MAP3K2: variants seen among roughly 807,000 people sequenced by gnomAD.
The protein encoded by MAP3K2 is MAP/ERK kinase kinase 2.
MAP3K2 carries 24 observed loss-of-function variants against 80.3 expected under a neutral mutation model. The observed-to-expected ratio is 0.30, with a 90% CI of 0.22 to 0.42. The LOEUF (loss-of-function observed/expected upper bound fraction) is 0.42, where lower values mean the gene tolerates loss of function less well. Among genes scored for constraint, MAP3K2 ranks in the 10% least tolerant of loss-of-function variants. The pLI, the probability that MAP3K2 is intolerant of heterozygous loss-of-function variation, is 1.00. For synonymous variants in MAP3K2, 244 were observed against 253.7 expected (o/e 0.96, Z 0.36); for missense variants, 608 against 750.1 (o/e 0.81, Z 2.21).
rs1379376943 is a variant in MAP3K2, at chr2:127,301,248, T to G, written c.*6331A>C. On this transcript the variant is annotated 3_prime_UTR_variant, in exon 17 of 17. Transcript: ENST00000682094. ...GCCCCTCAAGTCAAACATAAGTTCA[T>G]AAATGTTAAGACACTAGGAAGAAAG... is the stretch of plus-strand genomic sequence containing the variant. 6.6e-6 allele frequency: 1 copy of G among 152,232 alleles called. No individual in the cohort carries two copies. Among genetic ancestry groups the G allele is most frequent in the Non-Finnish European group, 1.5e-5 (1 of 68,050 alleles). 9.4% of individuals were successfully genotyped at this position (152,232 alleles called of 1,614,324 possible). A position where few individuals can be genotyped will look rare whatever the true frequency, so the allele number is the denominator to read the frequency against.
In MAP3K2 at chr2:127,387,900, A is replaced by T. The variant is rs1488560338; in HGVS notation, c.-514T>A. The T allele has an allele frequency of 1.0e-6, 1 of 981,572 alleles. No homozygotes were observed. The highest frequency in any genetic ancestry group is 1.8e-5 in the African/African-American group (1 of 56,938). The allele number at this position is 981,572 out of a possible 1,614,324, so 60.8% of individuals were successfully genotyped here. Reference sequence around the variant, plus strand: ...CGTGCAACCCCCGAACGCTGCGCCCAGCGGCCGCGGCACCCTCGTCAGGCG... The same window carrying T: ...CGTGCAACCCCCGAACGCTGCGCCCTGCGGCCGCGGCACCCTCGTCAGGCG... On this transcript the variant is annotated 5_prime_UTR_variant, in exon 1 of 17. Transcript: ENST00000682094.
Position 127,387,646 on chromosome 2 carries a change from A to G in MAP3K2, c.-260T>C. The G allele has an allele frequency of 1.0e-6, 1 of 984,864 alleles. No homozygotes were observed. The highest frequency in any genetic ancestry group is 5.2e-4 in the Middle Eastern group (1 of 1,912). The allele number at this position is 984,864 out of a possible 1,614,324, so 61.0% of individuals were successfully genotyped here. On this transcript the variant is annotated 5_prime_UTR_variant, in exon 1 of 17. Coordinates refer to ENST00000682094, the MANE Select transcript of MAP3K2 (RefSeq NM_001371910.2). ...CCAGGCCCGTCCCTCTTTCACATGA[A>G]GCCCGGGCCGGGCGGGGTGGCGGGC...
At chr2:127,368,880 G>A (rs928325618) in intron 1 of MAP3K2, among the ~76,000 whole-genome samples, 2 of 151,934 alleles carry the variant, frequency 1.3e-5, no homozygotes, top group Admixed American at 6.6e-5. Flanking sequence ...AAAGTAGCTG[G>A]CACTACAGGC....
intron 7 of MAP3K2, among the ~76,000 whole-genome samples, chr2:127,329,036 T>C (rs1453110164): frequency 6.6e-6 from 1 of 152,154 alleles, no homozygotes. Flanking sequence ...TTTATACAAA[T>C]TGAAGAACAG....
intron 7 of MAP3K2, among the ~76,000 whole-genome samples, chr2:127,329,443 G>A (rs2896979): frequency 0.24 from 36,410 of 149,692 alleles, 4,611 homozygotes; most frequent in Middle Eastern, 0.3. Flanking sequence ...TGCAACCTCC[G>A]CCTCCCGGGT....
chr2:127,378,633 T>C (rs1687189993), intron 1 of MAP3K2, among the ~76,000 whole-genome samples: 1 of 152,216 alleles, frequency 6.6e-6, no homozygotes, highest in African/African-American at 2.4e-5. Flanking sequence ...ACTCAACAGC[T>C]AGTCACAAAA....
chr2:127,316,437 A>C (rs749109566), intron 14 of MAP3K2, among the ~76,000 whole-genome samples: 1 of 152,128 alleles, frequency 6.6e-6, no homozygotes, highest in Non-Finnish European at 1.5e-5. Flanking sequence ...ATTAATCACC[A>C]CCTTGAAAAT....
rs767735803 is a variant in MAP3K2, at chr2:127,300,059, G to C, written c.*7520C>G. 1 of 151,788 alleles carries C rather than the reference G, an allele frequency of 6.6e-6. No homozygotes were observed. Among genetic ancestry groups the C allele is most frequent in the Non-Finnish European group, 1.5e-5 (1 of 67,958 alleles). The allele number at this position is 151,788 out of a possible 1,614,324, so 9.4% of individuals were successfully genotyped here. A position where few individuals can be genotyped will look rare whatever the true frequency, so the allele number is the denominator to read the frequency against. On this transcript the variant is annotated 3_prime_UTR_variant, in exon 17 of 17. Transcript: ENST00000682094. Reference sequence around the variant, plus strand: ...AAATTTTCTAATTTCTATTAATGTCGAACTCCTGAGTTCTTCAACAAAGAA... The same window carrying C: ...AAATTTTCTAATTTCTATTAATGTCCAACTCCTGAGTTCTTCAACAAAGAA...
At position 127,302,506 on chromosome 2, in the gene MAP3K2, A is replaced by T. The variant is rs1274500003; in HGVS notation, c.*5073T>A. 1 of 151,942 alleles carries T rather than the reference A, an allele frequency of 6.6e-6. No individual in the cohort carries two copies. Among genetic ancestry groups the T allele is most frequent in the Admixed American group, 6.6e-5 (1 of 15,222 alleles). 9.4% of individuals were successfully genotyped at this position (151,942 alleles called of 1,614,324 possible). A position where few individuals can be genotyped will look rare whatever the true frequency, so the allele number is the denominator to read the frequency against. ...ATACATGCACACATGCACACACTTC[A>T]CAGAAAAGTAACTTTTCTGTGAGTA... On this transcript the variant is annotated 3_prime_UTR_variant, in exon 17 of 17. Coordinates refer to ENST00000682094, the MANE Select transcript of MAP3K2 (RefSeq NM_001371910.2).
intron 12 of MAP3K2, among the ~76,000 whole-genome samples, chr2:127,318,829 G>A (rs1685957042): frequency 6.6e-6 from 1 of 152,138 alleles, no homozygotes; most frequent in Non-Finnish European, 1.5e-5. Context: ...GGAAAAAGTG[G>A]TACCTCCAAG....
upstream of MAP3K2, chr2:127,388,148 C>T (rs1401332165): frequency 8.1e-6 from 8 of 985,040 alleles, no homozygotes; most frequent in African/African-American, 3.5e-5. Flanking sequence ...GGCCGGACGG[C>T]GCGGGGATTC....
At chr2:127,320,520 T>C (rs770603097) in intron 12 of MAP3K2, among the ~76,000 whole-genome samples, 12 of 151,860 alleles carry the variant, frequency 7.9e-5, no homozygotes, top group South Asian at 2.1e-4. Flanking sequence ...GTATAGGTAA[T>C]AGGAATCCCA....
chr2:127,331,237 A>G (rs1404930136), intron 5 of MAP3K2, among the ~76,000 whole-genome samples: 2 of 152,264 alleles, frequency 1.3e-5, no homozygotes, highest in East Asian at 1.9e-4. Flanking sequence ...AGAAATAAAA[A>G]TATGTCCTTT....
chr2:127,344,948 T>A (rs1686570331), intron 1 of MAP3K2, among the ~76,000 whole-genome samples: 2 of 152,104 alleles, frequency 1.3e-5, no homozygotes, highest in African/African-American at 4.8e-5. Context: ...ACTGCAGCCT[T>A]GATCTGCCAG....
chr2:127,335,535 G>A (rs186353099), intron 5 of MAP3K2, among the ~76,000 whole-genome samples: 46 of 152,320 alleles, frequency 3.0e-4, no homozygotes, highest in African/African-American at 1.1e-3. Flanking sequence ...TCTGTCATCT[G>A]TAGCCAAGTG....
At chr2:127,359,406 TGAAA>T (rs983017103) in intron 1 of MAP3K2, among the ~76,000 whole-genome samples, 1 of 151,948 alleles carries the variant, frequency 6.6e-6, no homozygotes, top group Non-Finnish European at 1.5e-5. Context: ...CTTCAAAAAG[TGAAA>T]GAAACAAAAT....
rs775321559 is a variant in MAP3K2 at position 127,299,677 on chromosome 2, G to C, written c.*7902C>G. The C allele has an allele frequency of 2.0e-5, 3 of 152,032 alleles. No homozygotes were observed. Among genetic ancestry groups the C allele is most frequent in the Non-Finnish European group, 2.9e-5 (2 of 67,970 alleles). 9.4% of individuals were successfully genotyped at this position (152,032 alleles called of 1,614,324 possible). A position where few individuals can be genotyped will look rare whatever the true frequency, so the allele number is the denominator to read the frequency against. The stretch of plus-strand genomic sequence containing the variant: ...CAAAGAGAATTTAATGCTTTTTCTT[G>C]CAAGAGTATTTTAATTGAGCTCTAA... On this transcript the variant is annotated 3_prime_UTR_variant, in exon 17 of 17. Coordinates refer to ENST00000682094, the MANE Select transcript of MAP3K2 (RefSeq NM_001371910.2).
intron 1 of MAP3K2, among the ~76,000 whole-genome samples, chr2:127,359,290 G>A (rs1686846555): frequency 6.6e-6 from 1 of 152,158 alleles, no homozygotes; most frequent in African/African-American, 2.4e-5. Flanking sequence ...GGGAAACCAG[G>A]AGGGGAGTTA....
chr2:127,361,343 G>T (rs935614546), intron 1 of MAP3K2, among the ~76,000 whole-genome samples: 1 of 149,148 alleles, frequency 6.7e-6, no homozygotes, highest in Non-Finnish European at 1.5e-5. Flanking sequence ...AATTAAAAGG[G>T]AATTTAAAAA....
Sources: gnomAD v4.1 joint callset for allele counts (sites outside exome capture counted in the v4.1 genomes callset) on GRCh38, gnomAD v4.1.1 for gene constraint, MANE v1.5 for transcripts, NCBI Gene and HGNC (gene_info 2026-07-23, HGNC 2026-07-21) for gene names.